Variants in DERL2 observed in about 807,000 individuals in gnomAD.
The protein encoded by DERL2 is derlin-2.
DERL2 carries 13 observed loss-of-function variants against 32.0 expected under a neutral mutation model. The observed-to-expected ratio is 0.41, with a 90% CI of 0.26 to 0.65. The LOEUF (loss-of-function observed/expected upper bound fraction) is 0.65, where lower values mean the gene tolerates loss of function less well. Among genes scored for constraint, DERL2 ranks in the 30% least tolerant of loss-of-function variants. The pLI is 0.35. For missense variants in DERL2, 208 were observed against 296.3 expected (o/e 0.70, Z 2.19); for synonymous variants, 111 against 104.7 (o/e 1.06, Z -0.37).
At chr17:5,480,897 A>T (rs763816984) in intron 4 of DERL2, 2 of 483,354 alleles carry the variant, frequency 4.1e-6, no homozygotes, top group African/African-American at 2.0e-5. Context: ...TAGCACCTTT[A>T]CAGAGATGAA....
Position 5,480,128 on chromosome 17 carries a change from G to GT in DERL2, c.539dup (p.His180GlnfsTer31). 6.2e-7 allele frequency: 1 copy of GT among 1,605,614 alleles called. No individual in the cohort carries two copies. On this transcript the variant is annotated frameshift_variant, in exon 6 of 7. Coordinates refer to ENST00000158771, the MANE Select transcript of DERL2 (RefSeq NM_016041.5). LOFTEE classifies it high-confidence loss of function. ...ATACATCTTCCAAGAAAAAATATAT[G>GT]TGTCCAACTGCAATACCTAGAGTCA...
chr17:5,486,179 GC>G, upstream of DERL2: 3 of 1,540,436 alleles, frequency 1.9e-6, no homozygotes, highest in Middle Eastern at 2.2e-4. Flanking sequence ...ACCGTCGCCT[GC>G]CCCACCCCCC....
chr17:5,486,188 C>A (rs552936839), upstream of DERL2: 3 of 1,131,802 alleles, frequency 2.7e-6, no homozygotes, highest in Non-Finnish European at 3.6e-6. Context: ...TGCCCCACCC[C>A]CCACCCACCC....
chr17:5,480,856 G>C, intron 4 of DERL2: 1 of 454,940 alleles, frequency 2.2e-6, no homozygotes, highest in Non-Finnish European at 3.8e-6. Flanking sequence ...TAATTCTTCA[G>C]TCAATAATTA....
rs1905201461 is a variant in DERL2, at chr17:5,473,229, A to G, written c.*1455T>C. 1 of 152,200 alleles carries G rather than the reference A, an allele frequency of 6.6e-6. No homozygotes were observed. Among genetic ancestry groups the G allele is most frequent in the East Asian group, 1.9e-4 (1 of 5,202 alleles). The allele number at this position is 152,200 out of a possible 1,614,324, so 9.4% of individuals were successfully genotyped here. ...GACCTGTGCCTACATGCCGTTAATG[A>G]AAGCTGTTTGGAATCATCTCTTTCC... On this transcript the variant is annotated 3_prime_UTR_variant, in exon 7 of 7. Coordinates refer to ENST00000158771, the MANE Select transcript of DERL2 (RefSeq NM_016041.5).
chr17:5,479,179 G>A (rs1429168954), intron 6 of DERL2, among the ~76,000 whole-genome samples: 7 of 152,128 alleles, frequency 4.6e-5, no homozygotes, highest in Non-Finnish European at 1.5e-5. Flanking sequence ...GTTCACAGGC[G>A]CAATCATAGT....
intron 6 of DERL2, among the ~76,000 whole-genome samples, chr17:5,479,841 T>C (rs1482788112): frequency 6.6e-6 from 1 of 152,222 alleles, no homozygotes; most frequent in African/African-American, 2.4e-5. Flanking sequence ...CCAAGATATC[T>C]TGAGCCTGTT....
intron 6 of DERL2, among the ~76,000 whole-genome samples, chr17:5,475,917 G>A (rs1291653096): frequency 6.6e-6 from 1 of 152,150 alleles, no homozygotes; most frequent in Non-Finnish European, 1.5e-5. Flanking sequence ...TGATGGCTGG[G>A]GTGGGGAGTT....
rs2151705084 is a variant in DERL2, at chr17:5,480,457, G to A, written c.453C>T (p.Ala151=). 1.9e-6 allele frequency: 3 copies of A among 1,613,570 alleles called. 1 individual carries two copies. The highest frequency in any genetic ancestry group is 3.3e-5 in the Admixed American group (2 of 59,844). ...CCATGAGCACCCAGGGCAGAAAGGGGGCCTGGAAGTTGAGAAGGCCGAAGA... is the reference window on the plus strand; with the variant it reads ...CCATGAGCACCCAGGGCAGAAAGGGAGCCTGGAAGTTGAGAAGGCCGAAGA... The part of the protein sequence containing the change: ...MNFFGLLNFQ[A]PFLPWVLMGF... Residue 151 remains alanine (A), a synonymous_variant, in exon 5 of 7, where the codon GCC becomes GCT. Transcript: ENST00000158771.
At chr17:5,480,810 G>T in intron 4 of DERL2, 1 of 455,966 alleles carries the variant, frequency 2.2e-6, no homozygotes, top group Non-Finnish European at 3.8e-6. Context: ...CAAATACTCT[G>T]CTTTCGTGAA....
intron 6 of DERL2, among the ~76,000 whole-genome samples, chr17:5,475,495 G>A (rs781678166): frequency 6.6e-6 from 1 of 152,124 alleles, no homozygotes; most frequent in Non-Finnish European, 1.5e-5. Flanking sequence ...CTGAACTCAG[G>A]TGATCTGCCT....
At position 5,472,459 on chromosome 17, in the gene DERL2, G is replaced by C. The variant is rs1177446371; in HGVS notation, c.*2225C>G. The C allele has an allele frequency of 1.3e-5, 2 of 152,124 alleles. No individual in the cohort carries two copies. The highest frequency in any genetic ancestry group is 1.3e-4 in the Admixed American group (2 of 15,266). The allele number at this position is 152,124 out of a possible 1,614,324, so 9.4% of individuals were successfully genotyped here. ...TGTAGGGCTGGCCAAACTGATGAGA[G>C]GTGATTGAAATTACCACTGCTCAGG... On this transcript the variant is annotated 3_prime_UTR_variant, in exon 7 of 7. Transcript: ENST00000158771.
At chr17:5,485,594 G>A (rs979002092) in intron 1 of DERL2, among the ~76,000 whole-genome samples, 1 of 152,124 alleles carries the variant, frequency 6.6e-6, no homozygotes, top group Admixed American at 6.5e-5. Flanking sequence ...AAATAACGGA[G>A]ACTGGAGACC....
chr17:5,477,008 A>G (rs1905433643), intron 6 of DERL2, among the ~76,000 whole-genome samples: 1 of 152,156 alleles, frequency 6.6e-6, no homozygotes, highest in Non-Finnish European at 1.5e-5. Context: ...TAAGCAAGGC[A>G]TCCATATGGG....
Position 5,473,529 on chromosome 17 carries a change from A to G in DERL2, c.*1155T>C, listed in dbSNP as rs968630906. ...AAGAACATATGCCTAGCTAACTGGTATCTGTTCGTCTGGCTCCAAAGTCAA... is the reference window on the plus strand; with the variant it reads ...AAGAACATATGCCTAGCTAACTGGTGTCTGTTCGTCTGGCTCCAAAGTCAA... On this transcript the variant is annotated 3_prime_UTR_variant, in exon 7 of 7. Transcript: ENST00000158771. 7.2e-5 allele frequency: 11 copies of G among 151,808 alleles called. No homozygotes were observed. The highest frequency in any genetic ancestry group is 2.7e-4 in the African/African-American group (11 of 41,294). The allele number at this position is 151,808 out of a possible 1,614,324, so 9.4% of individuals were successfully genotyped here. A position where few individuals can be genotyped will look rare whatever the true frequency, so the allele number is the denominator to read the frequency against.
In DERL2 at chr17:5,481,976, T is replaced by C. The variant is rs1805452; in HGVS notation, c.234-587A>G. Among the ~76,000 whole-genome samples the C allele has an allele frequency of 0.14, 21,134 of 152,080 alleles. 1,697 individuals carry two copies. The highest frequency in any genetic ancestry group is 0.21 in the African/African-American group (8,817 of 41,450). On this transcript the variant is annotated intron_variant, in intron 3 of 6. Coordinates refer to ENST00000158771, the MANE Select transcript of DERL2 (RefSeq NM_016041.5). The surrounding 1 kb of genome is among the most constrained non-coding windows in gnomAD (Gnocchi z 4.4). The stretch of plus-strand genomic sequence containing the variant: ...AGTCCCCTATTAAACCTTTAAAAAT[T>C]TGTATTGTCTTTCCTGTGCTCAGCC...
chr17:5,486,179 G>T, upstream of DERL2: 1 of 1,540,440 alleles, frequency 6.5e-7, no homozygotes. Flanking sequence ...ACCGTCGCCT[G>T]CCCCACCCCC....
chr17:5,485,903 G>C, intron 1 of DERL2, 166 bp downstream of exon 1: 1 of 513,946 alleles, frequency 1.9e-6, no homozygotes, highest in South Asian at 3.4e-5. Flanking sequence ...CGCGTCACTG[G>C]ATAAGCATTC....
chr17:5,480,174 G>A (rs1316774057), intron 5 of DERL2, 30 bp from the exon 6 acceptor site: 1 of 1,484,732 alleles, frequency 6.7e-7, no homozygotes, highest in Non-Finnish European at 9.3e-7. Flanking sequence ...AAGGATGAGG[G>A]AGAGAATTAA....
Sources: allele counts gnomAD v4.1 joint callset (sites outside exome capture counted in the v4.1 genomes callset), GRCh38; gene constraint gnomAD v4.1.1; non-coding constraint Gnocchi (gnomAD v3.1); transcripts MANE v1.5; gene names NCBI Gene and HGNC (gene_info 2026-07-23, HGNC 2026-07-21).